Variants in SRP68 observed in about 807,000 individuals in gnomAD.
SRP68 encodes signal recognition particle subunit SRP68.
In SRP68, 15 loss-of-function variants were observed where a neutral mutation model predicts 82.2. That is an observed-to-expected ratio of 0.18 (90% confidence interval 0.12 to 0.28). SRP68 has a LOEUF of 0.28. Ranked by LOEUF, SRP68 falls within the 10% of genes least tolerant of loss-of-function variation. The pLI is 1.00. For missense variants in SRP68, 595 were observed against 780.5 expected (o/e 0.76, Z 2.83); for synonymous variants, 261 against 292.6 (o/e 0.89, Z 1.10).
intron 2 of SRP68, among the ~76,000 whole-genome samples, chr17:76,069,829 C>T (rs1378224854): frequency 2.0e-5 from 3 of 148,532 alleles, no homozygotes; most frequent in Admixed American, 1.3e-4. Flanking sequence ...GTAATTCCAA[C>T]ACTTTGGGAA....
rs113068116 is a variant in SRP68, at chr17:76,052,570, T to C, written c.979-2044A>G. ...CTGTAATCCCAGCACTTTGGGAGGC[T>C]GAGGCGGGCGGATCACGAGCTCAGG... On this transcript the variant is annotated intron_variant, in intron 8 of 15. Transcript: ENST00000307877. Among the ~76,000 whole-genome samples, 397 of 149,212 alleles carry C rather than the reference T, an allele frequency of 2.7e-3. 1 individual carries two copies. The highest frequency in any genetic ancestry group is 9.4e-3 in the African/African-American group (383 of 40,580).
At chr17:76,050,376 G>A in intron 9 of SRP68, 52 bp downstream of exon 9, 2 of 1,321,324 alleles carry the variant, frequency 1.5e-6, no homozygotes, top group Middle Eastern at 2.0e-4. Context: ...GGGGACACAG[G>A]CTGACCTGGA....
chr17:76,048,148 C>T lies in SRP68; in HGVS notation c.1078-178G>A, dbSNP rs899364185. The T allele has an allele frequency of 1.8e-5, 6 of 327,494 alleles. No homozygotes were observed. In the South Asian group the frequency reaches 5.7e-4, roughly 31 times the overall value. 20.3% of individuals were successfully genotyped at this position (327,494 alleles called of 1,614,324 possible). A position where few individuals can be genotyped will look rare whatever the true frequency, so the allele number is the denominator to read the frequency against. ...CATAATCTAGAATGACAGTGGCACT[C>T]AAGTTGCCACTGGCATCTAAAAATT... On this transcript the variant is annotated intron_variant, in intron 9 of 15. Coordinates refer to ENST00000307877, the MANE Select transcript of SRP68 (RefSeq NM_014230.4).
chr17:76,055,968 A>T (rs1304399426), intron 8 of SRP68, among the ~76,000 whole-genome samples: 1 of 151,666 alleles, frequency 6.6e-6, no homozygotes, highest in Admixed American at 6.6e-5. Context: ...CACCACGCCC[A>T]GCTAAATTTT....
At chr17:76,050,312 C>T (rs1567929139) in intron 9 of SRP68, 116 bp downstream of exon 9, 8 of 708,190 alleles carry the variant, frequency 1.1e-5, no homozygotes, top group Non-Finnish European at 1.9e-5. Flanking sequence ...AAAACAAAAA[C>T]GAAACAGTGG....
rs1450019812 is a variant in SRP68, at chr17:76,064,568, C to T, written c.366-397G>A. ...TAAGAGGCAGTATATTGCCTAGGTG[C>T]GGTGGTTCACACCTATAATCCCAGC... On this transcript the variant is annotated intron_variant, in intron 3 of 15. Transcript: ENST00000307877. Among the ~76,000 whole-genome samples, 4 of 152,110 alleles carry T rather than the reference C, an allele frequency of 2.6e-5. No homozygotes were observed. In the South Asian group the frequency reaches 6.2e-4, roughly 24 times the overall value.
chr17:76,050,736 C>CTCTTTTTTTTTTTTTTTT (rs1446943397), intron 8 of SRP68, among the ~76,000 whole-genome samples: 1 of 148,686 alleles, frequency 6.7e-6, no homozygotes, highest in Non-Finnish European at 1.5e-5. Context: ...AAGGGGAGTT[C>CTCTTTTTTTTTTTTTTTT]TATTTTTAAA....
In SRP68 at chr17:76,043,917, CACT is replaced by C; in HGVS notation, c.1433_1435del (p.Lys478_Trp479delinsArg). ...GTCATACAGGACAAGGGCTTCGCTC[CACT>C]TCTTCACCAGCACATAGGACTGAGC... On this transcript the variant is annotated inframe_deletion, in exon 13 of 16. Coordinates refer to ENST00000307877, the MANE Select transcript of SRP68 (RefSeq NM_014230.4). 1 of 1,611,118 alleles carries C rather than the reference CACT, an allele frequency of 6.2e-7. No individual in the cohort carries two copies. Among genetic ancestry groups the C allele is most frequent in the East Asian group, 2.2e-5 (1 of 44,724 alleles).
In SRP68 at chr17:76,072,190, A is replaced by C; in HGVS notation, c.184+118T>G. The C allele has an allele frequency of 6.4e-7, 1 of 1,555,586 alleles. No homozygotes were observed. Among genetic ancestry groups the C allele is most frequent in the East Asian group, 2.4e-5 (1 of 41,706 alleles). On this transcript the variant is annotated intron_variant, in intron 1 of 15. Transcript: ENST00000307877. This position sits in a 1 kb window ranked among gnomAD's most constrained non-coding sequence, Gnocchi z 4.5. Reference sequence around the variant, plus strand: ...GAGCACCAAAAGGTAAGGGCGAGAGAAACTGCAACCCTCGGCCTCTCCTGC... The same window carrying C: ...GAGCACCAAAAGGTAAGGGCGAGAGCAACTGCAACCCTCGGCCTCTCCTGC...
At chr17:76,047,531 C>T (rs1331703900) in intron 10 of SRP68, among the ~76,000 whole-genome samples, 1 of 152,080 alleles carries the variant, frequency 6.6e-6, no homozygotes, top group African/African-American at 2.4e-5. Context: ...CGCCTATAAT[C>T]CCCGCACTGT....
At chr17:76,047,279 A>G (rs1256743153) in intron 10 of SRP68, among the ~76,000 whole-genome samples, 1 of 152,150 alleles carries the variant, frequency 6.6e-6, no homozygotes, top group Non-Finnish European at 1.5e-5. Flanking sequence ...CATCACACCC[A>G]GCTAATTCAA....
chr17:76,067,441 G>T, intron 2 of SRP68, 111 bp from the exon 3 acceptor site: 1 of 761,936 alleles, frequency 1.3e-6, no homozygotes, highest in Non-Finnish European at 2.3e-6. Flanking sequence ...TTATACTTAT[G>T]GTTACTAGAA....
intron 4 of SRP68, among the ~76,000 whole-genome samples, chr17:76,062,051 G>A (rs868225704): frequency 3.3e-5 from 5 of 152,022 alleles, no homozygotes; most frequent in African/African-American, 1.2e-4. Flanking sequence ...CTGGGAGGCC[G>A]AGGTGAACGG....
chr17:76,055,812 T>C (rs1017808765), intron 8 of SRP68, among the ~76,000 whole-genome samples: 2 of 145,690 alleles, frequency 1.4e-5, no homozygotes, highest in African/African-American at 5.1e-5. Context: ...TTCTTCTTTT[T>C]TTTTTTTTTT....
In SRP68 at chr17:76,039,426, A is replaced by G. The variant is rs2066572045; in HGVS notation, c.*280T>C. 1.6e-6 allele frequency: 1 copy of G among 607,256 alleles called. No individual in the cohort carries two copies. Among genetic ancestry groups the G allele is most frequent in the Non-Finnish European group, 3.1e-6 (1 of 324,674 alleles). The allele number at this position is 607,256 out of a possible 1,614,324, so 37.6% of individuals were successfully genotyped here. On this transcript the variant is annotated 3_prime_UTR_variant, in exon 16 of 16. Transcript: ENST00000307877. Reference sequence around the variant, plus strand: ...ACGCATTACTGACCAAAGGCAATCAATCACAGCTCACAGGGCACCAGACAG... The same window carrying G: ...ACGCATTACTGACCAAAGGCAATCAGTCACAGCTCACAGGGCACCAGACAG...
rs139384968 is a variant in SRP68 at position 76,061,061 on chromosome 17, C to T, written c.754+49G>A. 8,459 of 1,119,724 alleles carry T rather than the reference C, an allele frequency of 7.6e-3. 534 individuals are homozygous for T. The Admixed American group carries it at 0.12, about 16-fold the overall frequency. The allele number at this position is 1,119,724 out of a possible 1,614,324, so 69.4% of individuals were successfully genotyped here. ...TCTCTGAAGTGAGCTCCCAATAGGCCATCTATCAATGTTCAAGTTGAGTAT... is the reference window on the plus strand; with the variant it reads ...TCTCTGAAGTGAGCTCCCAATAGGCTATCTATCAATGTTCAAGTTGAGTAT... On this transcript the variant is annotated intron_variant, in intron 6 of 15. Transcript: ENST00000307877.
chr17:76,039,642 C>A lies in SRP68; in HGVS notation c.*64G>T. ...CCTGGATTTAATATCATGGAACTTGCTGGGATTTTCTCACAATACAGATTA... is the reference window on the plus strand; with the variant it reads ...CCTGGATTTAATATCATGGAACTTGATGGGATTTTCTCACAATACAGATTA... On this transcript the variant is annotated 3_prime_UTR_variant, in exon 16 of 16. Transcript: ENST00000307877. The A allele has an allele frequency of 6.6e-7, 1 of 1,508,140 alleles. No homozygotes were observed. The allele number at this position is 1,508,140 out of a possible 1,614,324, so 93.4% of individuals were successfully genotyped here.
chr17:76,059,477 G>A (rs945897762), intron 7 of SRP68, among the ~76,000 whole-genome samples: 1 of 152,078 alleles, frequency 6.6e-6, no homozygotes, highest in Non-Finnish European at 1.5e-5. Context: ...GGGAGGTGGA[G>A]GTTGCAGTGA....
chr17:76,057,289 G>A (rs1430298432), intron 8 of SRP68, 114 bp downstream of exon 8: 1 of 1,264,614 alleles, frequency 7.9e-7, no homozygotes, highest in African/African-American at 1.5e-5. Flanking sequence ...ATCCAAAACA[G>A]CATTAAAAGT....
Sources: gnomAD v4.1 joint callset for allele counts (sites outside exome capture counted in the v4.1 genomes callset) on GRCh38, gnomAD v4.1.1 for gene constraint, Gnocchi (gnomAD v3.1) non-coding constraint, MANE v1.5 for transcripts, NCBI Gene and HGNC (gene_info 2026-07-23, HGNC 2026-07-21) for gene names.